The following ATXN1 variants were observed in gnomAD, a reference collection of about 807,000 sequenced individuals.
ATXN1 encodes ataxin-1.
Under a neutral mutation model 56.4 loss-of-function variants are expected in ATXN1, and 8 were observed. That is an observed-to-expected ratio of 0.14 (90% CI 0.08 to 0.26). ATXN1 has a LOEUF of 0.26. ATXN1 is among the 10% of genes least tolerant of loss of function. The pLI is 1.00. For missense variants in ATXN1, 987 were observed against 1,106.5 expected (o/e 0.89, Z 1.53); for synonymous variants, 514 against 494.6 (o/e 1.04, Z -0.52).
intron 6 of ATXN1, among the ~76,000 whole-genome samples, chr6:16,333,867 T>G (rs1180210905): frequency 6.6e-6 from 1 of 152,146 alleles, no homozygotes; most frequent in Non-Finnish European, 1.5e-5. Context: ...GCACTTCATT[T>G]TGGCCAAGCA....
intron 3 of ATXN1, among the ~76,000 whole-genome samples, chr6:16,620,261 A>C (rs914135411): frequency 1.6e-5 from 2 of 128,032 alleles, no homozygotes; most frequent in Non-Finnish European, 3.3e-5. Context: ...TCTGTCTCTC[A>C]AACACACACA....
chr6:16,703,884 T>C (rs1165864658), intron 2 of ATXN1, among the ~76,000 whole-genome samples: 1 of 152,222 alleles, frequency 6.6e-6, no homozygotes, highest in Admixed American at 6.5e-5. Flanking sequence ...CTGGGTGTGA[T>C]GGCGCACGCC....
intron 2 of ATXN1, among the ~76,000 whole-genome samples, chr6:16,732,234 G>A (rs559050452): frequency 3.3e-5 from 5 of 152,114 alleles, no homozygotes; most frequent in South Asian, 2.1e-4. Flanking sequence ...CAATCTCATC[G>A]TTATACTGCT....
intron 5 of ATXN1, among the ~76,000 whole-genome samples, chr6:16,508,851 A>G (rs1430629022): frequency 6.6e-6 from 1 of 152,250 alleles, no homozygotes; most frequent in Non-Finnish European, 1.5e-5. Flanking sequence ...AGTAACCAAA[A>G]GGTGGAAACA....
At chr6:16,422,492 GGA>G (rs1759057088) in intron 6 of ATXN1, among the ~76,000 whole-genome samples, 1 of 152,084 alleles carries the variant, frequency 6.6e-6, no homozygotes, top group Admixed American at 6.5e-5. Context: ...ACCCTTTCTT[GGA>G]GAGAGAGACT....
intron 6 of ATXN1, among the ~76,000 whole-genome samples, chr6:16,397,818 T>C (rs901232197): frequency 2.0e-5 from 3 of 152,218 alleles, no homozygotes; most frequent in Admixed American, 1.3e-4. Flanking sequence ...CACACAAGAA[T>C]ACTATCTTCA....
chr6:16,684,366 T>C (rs778579213), intron 2 of ATXN1, among the ~76,000 whole-genome samples: 1 of 152,180 alleles, frequency 6.6e-6, no homozygotes, highest in Non-Finnish European at 1.5e-5. Context: ...TTGTTTGATT[T>C]AGTGGTCCTG....
At chr6:16,542,709 T>C (rs921180067) in intron 4 of ATXN1, among the ~76,000 whole-genome samples, 2 of 152,198 alleles carry the variant, frequency 1.3e-5, no homozygotes, top group African/African-American at 4.8e-5. Flanking sequence ...GGAGGATCTG[T>C]TCCAAGACCC....
intron 4 of ATXN1, among the ~76,000 whole-genome samples, chr6:16,566,901 TGGGTCCTCACTG>T (rs1156326073): frequency 0.03 from 626 of 21,182 alleles, 7 homozygotes; most frequent in African/African-American, 0.048. Context: ...TTTGTAGAGG[TGGGTCCTCACTG>T]TGTTGCCTAG....
At chr6:16,415,919 A>G (rs1218275247) in intron 6 of ATXN1, among the ~76,000 whole-genome samples, 2 of 152,128 alleles carry the variant, frequency 1.3e-5, no homozygotes, top group African/African-American at 4.8e-5. Context: ...TAATCTCAAA[A>G]CAGGAAAAAG....
chr6:16,665,200 A>G (rs1168611084), intron 2 of ATXN1, among the ~76,000 whole-genome samples: 2 of 152,224 alleles, frequency 1.3e-5, no homozygotes, highest in African/African-American at 4.8e-5. Flanking sequence ...GTAGTTTCTT[A>G]AAGGGGAGCA....
At chr6:16,368,086 C>T (rs1479688448) in intron 6 of ATXN1, among the ~76,000 whole-genome samples, 4 of 151,880 alleles carry the variant, frequency 2.6e-5, no homozygotes, top group Non-Finnish European at 1.5e-5. Context: ...AGGACAATTG[C>T]TCGAACCCAA....
chr6:16,384,971 T>C (rs1758208919), intron 6 of ATXN1, among the ~76,000 whole-genome samples: 1 of 152,016 alleles, frequency 6.6e-6, no homozygotes, highest in South Asian at 2.1e-4. Flanking sequence ...TACATATGAG[T>C]TTCATGGGTG....
At chr6:16,672,007 G>A (rs546771344) in intron 2 of ATXN1, among the ~76,000 whole-genome samples, 1 of 152,214 alleles carries the variant, frequency 6.6e-6, no homozygotes, top group East Asian at 1.9e-4. Flanking sequence ...GTGAGCCAAG[G>A]ACCTTTTATG....
intron 6 of ATXN1, among the ~76,000 whole-genome samples, chr6:16,348,471 G>C (rs1362561082): frequency 6.6e-6 from 1 of 152,078 alleles, no homozygotes; most frequent in African/African-American, 2.4e-5. Context: ...GCCGAGGGGG[G>C]GCAGATCATG....
intron 6 of ATXN1, among the ~76,000 whole-genome samples, chr6:16,458,741 C>T (rs887207440): frequency 1.1e-4 from 16 of 152,182 alleles, no homozygotes; most frequent in African/African-American, 3.9e-4. Context: ...AAAAGACTGT[C>T]CAACAAGAAA....
rs753248605 is a variant in ATXN1, at chr6:16,327,859, G to T, written c.452C>A (p.Thr151Asn). The T allele has an allele frequency of 1.9e-6, 3 of 1,607,736 alleles. No individual in the cohort carries two copies. Among genetic ancestry groups the T allele is most frequent in the South Asian group, 2.2e-5 (2 of 91,088 alleles). ...SFIPSQLIPP[T>N]ANPVTSAVAS... ...CACTGCACTGGTGACGGGGTTGGCG[G>T]TTGGGGGGATCAGCTGTGATGGGAT... The change falls in exon 7 of 8, where the codon ACC (threonine) becomes AAC (asparagine). Residue 151 changes from threonine to asparagine, a missense_variant. Physicochemically the swap from Thr to Asn is moderately conservative, Grantham distance 65. Coordinates refer to ENST00000436367, the MANE Select transcript of ATXN1 (RefSeq NM_001128164.2).
At chr6:16,586,300 G>GACA (rs1762623210) in intron 3 of ATXN1, among the ~76,000 whole-genome samples, 1 of 152,186 alleles carries the variant, frequency 6.6e-6, no homozygotes, top group African/African-American at 2.4e-5. Flanking sequence ...AAACATTGCT[G>GACA]AATTTGATGC....
At chr6:16,549,723 C>A (rs1242078182) in intron 4 of ATXN1, among the ~76,000 whole-genome samples, 1 of 151,912 alleles carries the variant, frequency 6.6e-6, no homozygotes, top group Non-Finnish European at 1.5e-5. Flanking sequence ...CATGGTGAAA[C>A]CCCGTCTCTA....
Sources: gnomAD v4.1 joint callset for allele counts (sites outside exome capture counted in the v4.1 genomes callset) on GRCh38, gnomAD v4.1.1 for gene constraint, MANE v1.5 for transcripts, NCBI Gene and HGNC (gene_info 2026-07-23, HGNC 2026-07-21) for gene names.